The following ZBBX variants were observed in gnomAD, a reference collection of about 807,000 sequenced individuals.
ZBBX encodes zinc finger B-box domain containing.
Under a neutral mutation model 108.5 loss-of-function variants are expected in ZBBX, and 101 were observed. That is an observed-to-expected ratio of 0.93 (90% CI 0.79 to 1.10). The LOEUF (loss-of-function observed/expected upper bound fraction) is 1.10, where lower values mean the gene tolerates loss of function less well. ZBBX is among the 50% of genes least tolerant of loss of function. ZBBX has a pLI of 0.00. For synonymous variants in ZBBX, 356 were observed against 323.4 expected (o/e 1.10, Z -1.08); for missense variants, 1,009 against 941.4 (o/e 1.07, Z -0.94).
At chr3:167,365,102 C>T (rs1745132477) in intron 6 of ZBBX, among the ~76,000 whole-genome samples, 1 of 151,616 alleles carries the variant, frequency 6.6e-6, no homozygotes, top group Non-Finnish European at 1.5e-5. Flanking sequence ...GGGGTCAAAA[C>T]TTTTATAATT....
chr3:167,244,167 G>A (rs987155140), intron 20 of ZBBX, among the ~76,000 whole-genome samples: 1 of 152,182 alleles, frequency 6.6e-6, no homozygotes, highest in African/African-American at 2.4e-5. Context: ...TATAGTGGAA[G>A]AGCTGAAACT....
rs202152163 is a variant in ZBBX, at chr3:167,389,129, GC to G, written c.-445-8725del. ...TGGTCCTAATGTTCTCCCTCCCCTT[GC>G]CCCCGACCACCTGACAGGCCTCAGT... is the stretch of plus-strand genomic sequence containing the variant. On this transcript the variant is annotated intron_variant, in intron 1 of 21. Transcript: ENST00000455345. 7.4e-3 allele frequency among the ~76,000 whole-genome samples: 1,120 copies of G among 151,934 alleles called. 13 individuals carry two copies. The highest frequency in any genetic ancestry group is 0.026 in the African/African-American group (1,064 of 41,430).
At chr3:167,375,004 T>C (rs1165810337) in intron 2 of ZBBX, among the ~76,000 whole-genome samples, 1 of 152,178 alleles carries the variant, frequency 6.6e-6, no homozygotes, top group African/African-American at 2.4e-5. Flanking sequence ...TGAGGCCCAA[T>C]AATGAGTGGC....
At chr3:167,281,809 C>T (rs1728858534) in intron 20 of ZBBX, among the ~76,000 whole-genome samples, 1 of 152,108 alleles carries the variant, frequency 6.6e-6, no homozygotes, top group African/African-American at 2.4e-5. Context: ...TGACAAGATC[C>T]CCTGAATGAT....
chr3:167,213,159 C>T, the ZBBX span, among the ~76,000 whole-genome samples: 1 of 152,092 alleles, frequency 6.6e-6, no homozygotes, highest in Admixed American at 6.5e-5. Flanking sequence ...AATGATCACA[C>T]AAGTTTTTCA....
At chr3:167,400,521 C>T (rs1237351752) in intron 1 of ZBBX, among the ~76,000 whole-genome samples, 2 of 151,922 alleles carry the variant, frequency 1.3e-5, no homozygotes, top group Non-Finnish European at 2.9e-5. Flanking sequence ...CTGTTCATGT[C>T]CTTTGCTCAC....
At chr3:167,360,186 C>T (rs1744282237) in intron 7 of ZBBX, among the ~76,000 whole-genome samples, 1 of 148,120 alleles carries the variant, frequency 6.8e-6, no homozygotes, top group African/African-American at 2.5e-5. Flanking sequence ...ATTTTTTCTA[C>T]CAAACTATAT....
chr3:167,230,079 C>T, the ZBBX span, among the ~76,000 whole-genome samples: 9 of 151,768 alleles, frequency 5.9e-5, no homozygotes, highest in Non-Finnish European at 1.0e-4. Flanking sequence ...TGCTCACTAA[C>T]CTTGGGCATA....
chr3:167,247,083 G>C (rs1721704586), intron 20 of ZBBX, among the ~76,000 whole-genome samples: 1 of 152,126 alleles, frequency 6.6e-6, no homozygotes, highest in Admixed American at 6.5e-5. Context: ...AGGCACTCCT[G>C]CTTTTGTGCA....
At chr3:167,262,852 C>T (rs916460292) in intron 20 of ZBBX, among the ~76,000 whole-genome samples, 14 of 152,082 alleles carry the variant, frequency 9.2e-5, no homozygotes. Context: ...GCTCTTCTCT[C>T]ATTTTTCCTT....
At chr3:167,253,751 C>T (rs1723003296) in intron 20 of ZBBX, among the ~76,000 whole-genome samples, 1 of 151,892 alleles carries the variant, frequency 6.6e-6, no homozygotes, top group Non-Finnish European at 1.5e-5. Flanking sequence ...TAAGCATAGG[C>T]AAGTGAAATC....
the ZBBX span, among the ~76,000 whole-genome samples, chr3:167,230,991 G>C: frequency 6.6e-6 from 1 of 151,896 alleles, no homozygotes; most frequent in East Asian, 1.9e-4. Flanking sequence ...ACTGCAAAAT[G>C]TATATGGGCC....
chr3:167,372,977 T>C lies in ZBBX; in HGVS notation c.-49-27A>G, dbSNP rs2108599576. The C allele has an allele frequency of 1.8e-5, 21 of 1,151,706 alleles. No individual in the cohort carries two copies. In the South Asian group the frequency reaches 1.9e-4, roughly 10 times the overall value. 71.3% of individuals were successfully genotyped at this position (1,151,706 alleles called of 1,614,324 possible). A position where few individuals can be genotyped will look rare whatever the true frequency, so the allele number is the denominator to read the frequency against. ...TGTAAAAGTAACAAAGACAAAAGAATTATGGCAGAGGTGAAGCAGTATAAG... is the reference window on the plus strand; with the variant it reads ...TGTAAAAGTAACAAAGACAAAAGAACTATGGCAGAGGTGAAGCAGTATAAG... On this transcript the variant is annotated intron_variant, in intron 3 of 21. Transcript: ENST00000675490.
the ZBBX span, among the ~76,000 whole-genome samples, chr3:167,218,446 T>G: frequency 1.4e-4 from 21 of 152,010 alleles, no homozygotes. Context: ...TAAAAAATAT[T>G]AATAGAAACA....
chr3:167,397,091 T>G (rs1339748145), intron 1 of ZBBX, among the ~76,000 whole-genome samples: 1 of 134,300 alleles, frequency 7.4e-6, no homozygotes, highest in Non-Finnish European at 1.5e-5. Context: ...ATTCAACTAC[T>G]CACCTTAAGA....
chr3:167,261,875 A>G (rs978376257), intron 20 of ZBBX, among the ~76,000 whole-genome samples: 3 of 150,946 alleles, frequency 2.0e-5, no homozygotes, highest in African/African-American at 7.3e-5. Context: ...CAAATTCTGG[A>G]CAGAAGGCTT....
At chr3:167,227,125 T>C in the ZBBX span, among the ~76,000 whole-genome samples, 9 of 151,932 alleles carry the variant, frequency 5.9e-5, no homozygotes, top group South Asian at 1.0e-3. Context: ...ATACTTATTA[T>C]ATTCTTTATA....
chr3:167,194,871 A>G, the ZBBX span, among the ~76,000 whole-genome samples: 12 of 152,168 alleles, frequency 7.9e-5, no homozygotes, highest in Admixed American at 4.6e-4. Context: ...TTTCCCTTGT[A>G]TAGGAACTTC....
rs554510883 is a variant in ZBBX, at chr3:167,366,534, G to C, written c.183-558C>G. On this transcript the variant is annotated intron_variant, in intron 5 of 21. Coordinates refer to ENST00000675490, the MANE Select transcript of ZBBX (RefSeq NM_001199201.2). ...ATATTTTTGAAGTTATCAAGGCAGA[G>C]AGTCCAATTATCATTAAAAAATAAC... Among the ~76,000 whole-genome samples the C allele has an allele frequency of 3.2e-3, 483 of 151,892 alleles. 2 individuals are homozygous for C. Among genetic ancestry groups the C allele is most frequent in the Middle Eastern group, 6.8e-3 (2 of 294 alleles).
Sources: gnomAD v4.1 joint callset for allele counts (sites outside exome capture counted in the v4.1 genomes callset) on GRCh38, gnomAD v4.1.1 for gene constraint, MANE v1.5 for transcripts, NCBI Gene and HGNC (gene_info 2026-07-23, HGNC 2026-07-21) for gene names.